AVEN: variants seen among roughly 807,000 people sequenced by gnomAD.
AVEN encodes apoptosis and caspase activation inhibitor, also known as cell death regulator Aven.
In AVEN, 41 loss-of-function variants were observed where a neutral mutation model predicts 38.1. That is an observed-to-expected ratio of 1.08 (90% CI 0.84 to 1.40). AVEN has a LOEUF of 1.40. Among genes scored for constraint, AVEN ranks in the 40% most tolerant of loss-of-function variants. The pLI is 0.00. For missense variants in AVEN, 605 were observed against 438.8 expected, an observed-to-expected ratio of 1.38 and a Z score of -3.38; for synonymous variants, 206 against 171.8, an observed-to-expected ratio of 1.20 and a Z score of -1.56.
At chr15:34,038,695 C>T (rs1022995896) in intron 1 of AVEN, 85 bp downstream of exon 1, 13 of 1,087,228 alleles carry the variant, frequency 1.2e-5, no homozygotes, top group African/African-American at 3.4e-5. Context: ...GCCTGGCACG[C>T]TCTCTTGCGG....
In AVEN at chr15:33,985,924, G is replaced by C. The variant is rs79918956; in HGVS notation, c.445+17108C>G. 9.6e-3 allele frequency among the ~76,000 whole-genome samples: 1,459 copies of C among 152,122 alleles called. 24 individuals are homozygous for C. Among genetic ancestry groups the C allele is most frequent in the Non-Finnish European group, 0.012 (814 of 67,998 alleles). On this transcript the variant is annotated intron_variant, in intron 2 of 5. Coordinates refer to ENST00000306730, the MANE Select transcript of AVEN (RefSeq NM_020371.3). ...CTGAAAGGTTCATGATTCTCTCAAG[G>C]GCAGAATGCCAGAAAGCCCAGGTGC...
chr15:34,019,157 C>A (rs994818283), intron 1 of AVEN, among the ~76,000 whole-genome samples: 1 of 152,236 alleles, frequency 6.6e-6, no homozygotes, highest in Non-Finnish European at 1.5e-5. Context: ...CCCCACTCAA[C>A]CCAGTAAGTC....
chr15:33,868,768 G>C (rs189553853), intron 4 of AVEN, among the ~76,000 whole-genome samples: 1,592 of 146,804 alleles, frequency 0.011, 35 homozygotes, highest in African/African-American at 0.041. Context: ...GCCTTTTGGG[G>C]AGAGAGTGAC....
At chr15:33,874,886 A>G (rs1891154111) in intron 3 of AVEN, among the ~76,000 whole-genome samples, 1 of 152,272 alleles carries the variant, frequency 6.6e-6, no homozygotes, top group Non-Finnish European at 1.5e-5. Flanking sequence ...GGCTTCTACC[A>G]TATTCCTCAA....
downstream of AVEN, chr15:33,858,052 T>C (rs1461118461): frequency 8.8e-7 from 1 of 1,142,462 alleles, no homozygotes; most frequent in African/African-American, 1.6e-5. Context: ...GAGATTAAAG[T>C]AGAAGACAGA....
At chr15:33,867,465 G>C (rs754521315) in intron 5 of AVEN, 30 bp downstream of exon 5, 1 of 1,539,372 alleles carries the variant, frequency 6.5e-7, no homozygotes, top group Non-Finnish European at 8.7e-7. Context: ...CCAGAATCAA[G>C]ATTCACGGGG....
At chr15:33,997,383 C>T (rs1896977807) in intron 2 of AVEN, among the ~76,000 whole-genome samples, 1 of 152,080 alleles carries the variant, frequency 6.6e-6, no homozygotes, top group Non-Finnish European at 1.5e-5. Flanking sequence ...ACAAAGAAAG[C>T]AAGCACCACA....
chr15:33,866,819 G>C, intron 5 of AVEN, 91 bp from the exon 6 acceptor site: 2 of 873,418 alleles, frequency 2.3e-6, no homozygotes, highest in Admixed American at 2.2e-5. Context: ...CTTACAACAA[G>C]GGGAAACATT....
At chr15:34,073,579 G>A (rs191103352) in intron 1 of AVEN, among the ~76,000 whole-genome samples, 2 of 144,580 alleles carry the variant, frequency 1.4e-5, no homozygotes. Context: ...GGAGTGCAAC[G>A]GCATGATCTC....
chr15:33,918,924 G>GTTTTTTT (rs34781502), intron 2 of AVEN, among the ~76,000 whole-genome samples: 1 of 139,952 alleles, frequency 7.1e-6, no homozygotes, highest in African/African-American at 2.6e-5. Context: ...CTGCTTTTCT[G>GTTTTTTT]TTTTTTTTTT....
chr15:34,031,709 G>A (rs151336717), intron 1 of AVEN, among the ~76,000 whole-genome samples: 23 of 152,176 alleles, frequency 1.5e-4, no homozygotes, highest in Middle Eastern at 3.4e-3. Flanking sequence ...CAGCATCCTT[G>A]GCAGTGTTGT....
chr15:33,855,932 T>C (rs1484541677), downstream of AVEN: 1 of 152,184 alleles, frequency 6.6e-6, no homozygotes, highest in Non-Finnish European at 1.5e-5. Flanking sequence ...AGTCTGTGTA[T>C]GACAGACAGG....
chr15:34,057,193 G>A lies in AVEN; in HGVS notation n.1637+5729C>T, dbSNP rs768134628. Among the ~76,000 whole-genome samples, 10 of 150,188 alleles carry A rather than the reference G, an allele frequency of 6.7e-5. No individual in the cohort carries two copies. The East Asian group carries it at 1.4e-3, about 21-fold the overall frequency. ...TGTGTCACCAGGCTGGAGTGCAGTCGCATGATCTTGGCTCACTGCAGCAAC... is the reference window on the plus strand; with the variant it reads ...TGTGTCACCAGGCTGGAGTGCAGTCACATGATCTTGGCTCACTGCAGCAAC... On this transcript the variant is annotated intron_variant and non_coding_transcript_variant, in intron 5 of 11. Coordinates refer to the AVEN transcript ENST00000675287.
chr15:33,875,062 A>C (rs1891162782), intron 3 of AVEN, among the ~76,000 whole-genome samples: 1 of 152,158 alleles, frequency 6.6e-6, no homozygotes, highest in Admixed American at 6.5e-5. Flanking sequence ...CCTCCTCGTA[A>C]TCCGTATGCG....
At chr15:33,946,415 A>T (rs373833226) in intron 2 of AVEN, among the ~76,000 whole-genome samples, 4 of 152,304 alleles carry the variant, frequency 2.6e-5, no homozygotes, top group African/African-American at 4.8e-5. Flanking sequence ...CAACACCAGC[A>T]GAAAATCTCT....
intron 5 of AVEN, among the ~76,000 whole-genome samples, chr15:34,057,612 A>C (rs188106808): frequency 6.6e-6 from 1 of 152,126 alleles, no homozygotes; most frequent in African/African-American, 2.4e-5. Context: ...TCTGAGACTC[A>C]GGTTAAGTAA....
intron 2 of AVEN, among the ~76,000 whole-genome samples, chr15:33,909,075 T>C (rs980203715): frequency 3.9e-5 from 6 of 152,200 alleles, no homozygotes; most frequent in Non-Finnish European, 2.9e-5. Flanking sequence ...CCCTCAAACA[T>C]CTCCCCAAGT....
chr15:33,981,106 C>T (rs1328285388), intron 2 of AVEN, among the ~76,000 whole-genome samples: 1 of 151,612 alleles, frequency 6.6e-6, no homozygotes, highest in Non-Finnish European at 1.5e-5. Flanking sequence ...TGGACAGCAA[C>T]CCCTCTTAAT....
Position 33,867,526 on chromosome 15 carries a change from CT to C in AVEN, c.941del (p.Lys314ArgfsTer18), listed in dbSNP as rs1277979876. 1.9e-6 allele frequency: 3 copies of C among 1,595,032 alleles called. No homozygotes were observed. In the East Asian group the frequency reaches 6.7e-5, roughly 36 times the overall value. On this transcript the variant is annotated frameshift_variant, in exon 5 of 6. Transcript: ENST00000306730. LOFTEE classifies it low-confidence loss of function (END_TRUNC). ...CCTCTTGGACCACCTCCCCATCTTC[CT>C]TGGATTTCAGGTCCTGAGACGTCTG... ...PDQTSQDLKS[K>X]EDGEVVQEEE...
Sources: gnomAD v4.1 joint callset for allele counts (sites outside exome capture counted in the v4.1 genomes callset) on GRCh38, gnomAD v4.1.1 for gene constraint, MANE v1.5 for transcripts, NCBI Gene and HGNC (gene_info 2026-07-23, HGNC 2026-07-21) for gene names.